DOK7: variants seen among roughly 807,000 people sequenced by gnomAD.
The protein encoded by DOK7 is docking protein 7, also known as protein Dok-7.
Under a neutral mutation model 30.7 loss-of-function variants are expected in DOK7, and 32 were observed. That is an observed-to-expected ratio of 1.04 (90% CI 0.79 to 1.40). The LOEUF is 1.40. Among genes scored for constraint, DOK7 ranks in the 40% most tolerant of loss-of-function variants. DOK7 has a pLI of 0.00. For synonymous variants in DOK7, 447 were observed against 324.1 expected (o/e 1.38, Z -4.07); for missense variants, 1,007 against 699.2 (o/e 1.44, Z -4.97).
rs546630800 is a variant in DOK7, at chr4:3,473,498, C to G, written c.193C>G (p.Leu65Val). 2 of 1,611,084 alleles carry G rather than the reference C, an allele frequency of 1.2e-6. No homozygotes were observed. Among genetic ancestry groups the G allele is most frequent in the East Asian group, 2.2e-5 (1 of 44,890 alleles). Reference protein sequence around the residue: ...SSLTLEDICGLEPGLPYEGLV... With the variant: ...SSLTLEDICGVEPGLPYEGLV... ...CCTGACGCTAGAGGACATCTGCGGG[C>G]TGGAGCCCGGCCTGCCCTACGAGGG... is the stretch of plus-strand genomic sequence containing the variant. The change falls in exon 3 of 7, where the codon CTG (leucine) becomes GTG (valine). Residue 65 changes from leucine (L) to valine (V), a missense_variant. Leu to Val is a conservative substitution (Grantham distance 32, BLOSUM62 1). Transcript: ENST00000340083.
At chr4:3,500,924 G>C in exon 8 of DOK7, 1 of 1,432,360 alleles carries the variant, frequency 7.0e-7, no homozygotes, top group Non-Finnish European at 9.1e-7. Flanking sequence ...CTGGTCCCCA[G>C]GGAGCTCCCA....
chr4:3,473,434 C>A lies in DOK7; in HGVS notation c.129C>A (p.Asp43Glu). Residue 43 changes from aspartate to glutamate, a missense_variant, in exon 3 of 7, where the codon GAC becomes GAA. Asp to Glu is a conservative substitution (Grantham distance 45). Coordinates refer to ENST00000340083, the MANE Select transcript of DOK7 (RefSeq NM_173660.5). The stretch of plus-strand genomic sequence containing the variant: ...GCCTGCTGATGCTGGTCTACAAGGA[C>A]AAGTCGGAGCGTATCAAGGGCCTGC... ...ADCLLMLVYKDKSERIKGLRE... is the reference protein window; with the variant it reads ...ADCLLMLVYKEKSERIKGLRE... The A allele has an allele frequency of 6.2e-7, 1 of 1,611,006 alleles. No homozygotes were observed. The highest frequency in any genetic ancestry group is 8.5e-7 in the Non-Finnish European group (1 of 1,179,816).
intron 4 of DOK7, among the ~76,000 whole-genome samples, chr4:3,482,176 T>TAACA (rs1170179157): frequency 2.6e-5 from 4 of 152,180 alleles, no homozygotes; most frequent in African/African-American, 9.6e-5. Context: ...GCTTACCCTC[T>TAACA]AACAGCTGAG....
At chr4:3,491,054 TTCCCCCGGCTCATTCCTTCCTTC>T (rs1297063732) in intron 6 of DOK7, among the ~76,000 whole-genome samples, 71 of 87,920 alleles carry the variant, frequency 8.1e-4, no homozygotes, top group African/African-American at 3.1e-3. Flanking sequence ...TTCCTTTCTT[TTCCCCCGGCTCATTCCTTCCTTC>T]TCCCCACTCC....
chr4:3,492,396 T>C (rs940448415), intron 6 of DOK7, among the ~76,000 whole-genome samples: 15 of 130,868 alleles, frequency 1.1e-4, no homozygotes, highest in Admixed American at 7.5e-4. Flanking sequence ...CAGGTGGCCC[T>C]GGAAGGTAGT....
At chr4:3,467,525 G>T (rs576673467) in intron 2 of DOK7, among the ~76,000 whole-genome samples, 1 of 147,970 alleles carries the variant, frequency 6.8e-6, no homozygotes, top group Non-Finnish European at 1.5e-5. Context: ...TTTCCCTGTG[G>T]CTGTGGAGGT....
At chr4:3,483,042 G>A (rs901663265) in intron 4 of DOK7, among the ~76,000 whole-genome samples, 4 of 150,968 alleles carry the variant, frequency 2.6e-5, no homozygotes, top group Admixed American at 2.0e-4. Context: ...GGAAAGGTCT[G>A]GGGTGTTCTA....
In DOK7 at chr4:3,494,215, G is replaced by C. The variant is rs945101231; in HGVS notation, c.*714G>C. The stretch of plus-strand genomic sequence containing the variant: ...GCCTCGGGCCCCTGGTGGGAGCTCT[G>C]CTGGCTCCTGTCTGAACCTCCTCGC... On this transcript the variant is annotated 3_prime_UTR_variant, in exon 7 of 7. Coordinates refer to ENST00000340083, the MANE Select transcript of DOK7 (RefSeq NM_173660.5). 4 of 985,394 alleles carry C rather than the reference G, an allele frequency of 4.1e-6. No individual in the cohort carries two copies. The highest frequency in any genetic ancestry group is 4.8e-6 in the Non-Finnish European group (4 of 829,972). 61.0% of individuals were successfully genotyped at this position (985,394 alleles called of 1,614,324 possible).
intron 2 of DOK7, among the ~76,000 whole-genome samples, chr4:3,471,934 G>A (rs1226670138): frequency 6.6e-6 from 1 of 152,264 alleles, no homozygotes; most frequent in Non-Finnish European, 1.5e-5. Context: ...CCCACACCAC[G>A]CCTTGCTTTT....
At chr4:3,485,776 C>G in intron 5 of DOK7, 118 bp downstream of exon 5, 16 of 1,337,068 alleles carry the variant, frequency 1.2e-5, no homozygotes, top group Middle Eastern at 2.6e-4. Flanking sequence ...TCCCCACCCC[C>G]AGCTAAGGAA....
chr4:3,490,806 C>A (rs1728313684), intron 6 of DOK7, among the ~76,000 whole-genome samples: 1 of 78,098 alleles, frequency 1.3e-5, no homozygotes, highest in East Asian at 4.3e-4. Flanking sequence ...CCTCTGCCCC[C>A]CCGCTCATTC....
In DOK7 at chr4:3,493,381, A is replaced by G. The variant is rs911065096; in HGVS notation, c.1395A>G (p.Thr465=). 8.2e-6 allele frequency: 13 copies of G among 1,594,860 alleles called. No homozygotes were observed. Among genetic ancestry groups the G allele is most frequent in the African/African-American group, 1.3e-5 (1 of 74,684 alleles). The change falls in exon 7 of 7, where the codon ACA becomes ACG. Residue 465 remains threonine, a synonymous_variant. Transcript: ENST00000340083. ...AGGCCCCCCAGGGCAGCGAGGCCACACTGCCTGGCCCTGCCCCTGGCGAGC... is the reference window on the plus strand; with the variant it reads ...AGGCCCCCCAGGGCAGCGAGGCCACGCTGCCTGGCCCTGCCCCTGGCGAGC... ...VMEAPQGSEA[T]LPGPAPGEPW... is the part of the protein sequence containing the mutation.
In DOK7 at chr4:3,463,490, C is replaced by T. The variant is rs976572936; in HGVS notation, c.55-16C>T. On this transcript the variant is annotated splice_polypyrimidine_tract_variant and intron_variant, in intron 1 of 6. Coordinates refer to ENST00000340083, the MANE Select transcript of DOK7 (RefSeq NM_173660.5). ...CGGGCGCGGGCGGCGGCTCACGCTC[C>T]CCCCTGTCCCCGCAGTGGAAGAGTA... 9 of 1,488,334 alleles carry T rather than the reference C, an allele frequency of 6.0e-6. No individual in the cohort carries two copies. Among genetic ancestry groups the T allele is most frequent in the African/African-American group, 5.9e-5 (4 of 67,852 alleles). The allele number at this position is 1,488,334 out of a possible 1,614,324, so 92.2% of individuals were successfully genotyped here. A position where few individuals can be genotyped will look rare whatever the true frequency, so the allele number is the denominator to read the frequency against.
chr4:3,476,499 G>A lies in DOK7; in HGVS notation c.489G>A (p.Val163=). The change falls in exon 4 of 7, where the codon GTG becomes GTA. Residue 163 remains valine (V), a synonymous_variant. Transcript: ENST00000340083. The stretch of plus-strand genomic sequence containing the variant: ...CTGACCTCCGGCGCTACGGGGCCGT[G>A]CCAAGCGGATTCATCTTTGAAGGCG... ...KLSDLRRYGA[V]PSGFIFEGGT... 4.3e-6 allele frequency: 7 copies of A among 1,613,924 alleles called. No homozygotes were observed. The highest frequency in any genetic ancestry group is 5.9e-6 in the Non-Finnish European group (7 of 1,180,032).
At chr4:3,468,969 AGT>A (rs1726557241) in intron 2 of DOK7, among the ~76,000 whole-genome samples, 1 of 117,404 alleles carries the variant, frequency 8.5e-6, no homozygotes, top group Admixed American at 8.3e-5. Flanking sequence ...TGCCTGTATG[AGT>A]GTACGTGTGC....
At chr4:3,488,705 G>C (rs916995812) in intron 5 of DOK7, among the ~76,000 whole-genome samples, 3 of 152,222 alleles carry the variant, frequency 2.0e-5, no homozygotes, top group East Asian at 1.9e-4. Context: ...GTGCCCCCAA[G>C]GTGGGTGTCA....
rs761289689 is a variant in DOK7, at chr4:3,493,434, G to A, written c.1448G>A (p.Gly483Glu). Reference sequence around the variant, plus strand: ...TGGGAAGCAGGCGGCCCCCACGCGGGGCCACCCCCGGCTTTCTTTTCGGCA... The same window carrying A: ...TGGGAAGCAGGCGGCCCCCACGCGGAGCCACCCCCGGCTTTCTTTTCGGCA... ...EPWEAGGPHA[G>E]PPPAFFSACP... Residue 483 changes from glycine (G) to glutamate (E), a missense_variant, in exon 7 of 7, where the codon GGG (glycine) becomes GAG (glutamate). Gly to Glu is a moderately conservative substitution (Grantham distance 98, BLOSUM62 -2). Coordinates refer to ENST00000340083, the MANE Select transcript of DOK7 (RefSeq NM_173660.5). 6.2e-7 allele frequency: 1 copy of A among 1,605,172 alleles called. No individual in the cohort carries two copies. Among genetic ancestry groups the A allele is most frequent in the Non-Finnish European group, 8.5e-7 (1 of 1,176,298 alleles).
intron 6 of DOK7, 135 bp from the exon 7 acceptor site, chr4:3,492,623 GC>G: frequency 8.3e-7 from 1 of 1,201,262 alleles, no homozygotes; most frequent in Non-Finnish European, 1.2e-6. Context: ...TCTGCTGTAG[GC>G]CCCGGGGCTT....
At chr4:3,482,538 C>T (rs1440608214) in intron 4 of DOK7, among the ~76,000 whole-genome samples, 1 of 152,246 alleles carries the variant, frequency 6.6e-6, no homozygotes, top group East Asian at 1.9e-4. Flanking sequence ...ATGCCAGAGC[C>T]ATCACTGGCT....
Sources: allele counts gnomAD v4.1 joint callset (sites outside exome capture counted in the v4.1 genomes callset), GRCh38; gene constraint gnomAD v4.1.1; transcripts MANE v1.5; gene names NCBI Gene and HGNC (gene_info 2026-07-23, HGNC 2026-07-21).